Variants in DOK6 observed in about 807,000 individuals in gnomAD.
DOK6 encodes the protein downstream of tyrosine kinase 6.
Under a neutral mutation model 44.0 loss-of-function variants are expected in DOK6, and 22 were observed. The ratio of observed to expected loss-of-function variants is 0.50; its 90% CI spans 0.36 to 0.71. The LOEUF is 0.71. DOK6 is among the 30% of genes least tolerant of loss of function. The pLI is 0.00. For synonymous variants in DOK6, 166 were observed against 145.5 expected, an observed-to-expected ratio of 1.14 and a Z score of -1.01; for missense variants, 340 against 416.4, an observed-to-expected ratio of 0.82 and a Z score of 1.60.
At chr18:69,471,068 A>G (rs1367988263) in intron 1 of DOK6, among the ~76,000 whole-genome samples, 2 of 151,786 alleles carry the variant, frequency 1.3e-5, no homozygotes, top group Non-Finnish European at 2.9e-5. Flanking sequence ...TGACCAATAT[A>G]GAGAAACCCT....
intron 4 of DOK6, among the ~76,000 whole-genome samples, chr18:69,687,510 C>T (rs186876562): frequency 1.3e-5 from 2 of 152,222 alleles, no homozygotes; most frequent in African/African-American, 2.4e-5. Context: ...GGTGAAACCC[C>T]ATCTTTACTA....
intron 5 of DOK6, among the ~76,000 whole-genome samples, chr18:69,726,851 TTA>T (rs200037872): frequency 0.035 from 4,568 of 131,986 alleles, 125 homozygotes; most frequent in Admixed American, 0.092. Flanking sequence ...GTGATCCTTT[TTA>T]AAAAAAAAAA....
At chr18:69,825,565 C>G (rs914753577) in intron 7 of DOK6, among the ~76,000 whole-genome samples, 18 of 150,860 alleles carry the variant, frequency 1.2e-4, no homozygotes, top group African/African-American at 4.1e-4. Flanking sequence ...TCCCGAGTAG[C>G]TGGGACTACA....
At chr18:69,518,298 TC>T (rs940539394) in intron 1 of DOK6, among the ~76,000 whole-genome samples, 5 of 151,968 alleles carry the variant, frequency 3.3e-5, no homozygotes, top group African/African-American at 1.2e-4. Context: ...TTCCTCCTCT[TC>T]CTTCTCTTTT....
chr18:69,596,259 AT>A (rs1158881817), intron 2 of DOK6, among the ~76,000 whole-genome samples: 1 of 152,094 alleles, frequency 6.6e-6, no homozygotes, highest in Admixed American at 6.6e-5. Flanking sequence ...CCCCCAGGAT[AT>A]TTTTTTAAAA....
intron 6 of DOK6, among the ~76,000 whole-genome samples, chr18:69,740,328 G>A (rs1162598424): frequency 6.6e-6 from 1 of 152,070 alleles, no homozygotes; most frequent in Non-Finnish European, 1.5e-5. Flanking sequence ...AAAATCAAGT[G>A]GAAAAATATA....
chr18:69,586,980 C>T (rs1313678747), intron 2 of DOK6, among the ~76,000 whole-genome samples: 2 of 152,096 alleles, frequency 1.3e-5, no homozygotes, highest in Non-Finnish European at 2.9e-5. Flanking sequence ...ACTGAATAAG[C>T]AGGGATGTAT....
intron 1 of DOK6, among the ~76,000 whole-genome samples, chr18:69,462,616 C>G (rs1979817946): frequency 6.6e-6 from 1 of 152,084 alleles, no homozygotes; most frequent in South Asian, 2.1e-4. Context: ...AGATTTTGGT[C>G]TTTATTTTTA....
intron 1 of DOK6, among the ~76,000 whole-genome samples, chr18:69,449,746 C>T (rs1022853660): frequency 3.3e-5 from 5 of 151,734 alleles, no homozygotes; most frequent in African/African-American, 1.2e-4. Context: ...AAGTGGGTCC[C>T]TGACCCCTGA....
At chr18:69,612,310 T>C (rs1209113898) in intron 3 of DOK6, among the ~76,000 whole-genome samples, 2 of 150,416 alleles carry the variant, frequency 1.3e-5, no homozygotes, top group Admixed American at 6.6e-5. Context: ...ATAATTCTAA[T>C]ATGCTAAAAA....
At chr18:69,524,288 C>A (rs1283668939) in intron 1 of DOK6, among the ~76,000 whole-genome samples, 3 of 151,938 alleles carry the variant, frequency 2.0e-5, no homozygotes, top group African/African-American at 7.2e-5. Flanking sequence ...TTACACAACC[C>A]AAACATAAAA....
chr18:69,817,275 A>C (rs185230946), intron 7 of DOK6, among the ~76,000 whole-genome samples: 4 of 152,296 alleles, frequency 2.6e-5, no homozygotes, highest in Admixed American at 1.3e-4. Context: ...AACTTTATTT[A>C]GTGAAAGAAG....
At chr18:69,685,225 C>T (rs769790019) in intron 4 of DOK6, among the ~76,000 whole-genome samples, 44 of 151,826 alleles carry the variant, frequency 2.9e-4, no homozygotes, top group Admixed American at 9.9e-4. Flanking sequence ...TTCGATTATC[C>T]ATTTTTTTTT....
chr18:69,525,375 T>C (rs1005365712), intron 1 of DOK6, among the ~76,000 whole-genome samples: 4 of 152,036 alleles, frequency 2.6e-5, no homozygotes, highest in Admixed American at 2.0e-4. Flanking sequence ...AAATGTGTCA[T>C]GAATAATTTT....
intron 3 of DOK6, among the ~76,000 whole-genome samples, chr18:69,667,869 C>T (rs1985699382): frequency 6.6e-6 from 1 of 152,166 alleles, no homozygotes; most frequent in East Asian, 1.9e-4. Context: ...ATACTGTTGA[C>T]TCCCACATTT....
intron 3 of DOK6, among the ~76,000 whole-genome samples, chr18:69,677,076 C>T (rs1304187023): frequency 2.6e-5 from 4 of 151,896 alleles, no homozygotes; most frequent in Non-Finnish European, 5.9e-5. Context: ...TAAGAATAGC[C>T]TAATTTGTAT....
intron 4 of DOK6, among the ~76,000 whole-genome samples, chr18:69,694,170 C>A (rs933987312): frequency 6.6e-6 from 1 of 151,390 alleles, no homozygotes; most frequent in African/African-American, 2.4e-5. Flanking sequence ...AGTCCCCTCT[C>A]GTTCCACCTG....
chr18:69,820,776 AG>A (rs1343741816), intron 7 of DOK6, among the ~76,000 whole-genome samples: 3 of 152,182 alleles, frequency 2.0e-5, no homozygotes, highest in African/African-American at 7.2e-5. Context: ...CATTATCCTT[AG>A]CAAACTTAGG....
intron 3 of DOK6, among the ~76,000 whole-genome samples, chr18:69,609,926 A>C (rs770364175): frequency 2.0e-5 from 3 of 152,236 alleles, no homozygotes; most frequent in African/African-American, 4.8e-5. Context: ...GCCAGTCACA[A>C]AAAAACAAAT....
Sources: gnomAD v4.1 joint callset for allele counts (sites outside exome capture counted in the v4.1 genomes callset) on GRCh38, gnomAD v4.1.1 for gene constraint, MANE v1.5 for transcripts, NCBI Gene and HGNC (gene_info 2026-07-23, HGNC 2026-07-21) for gene names.